The following TAFA2 variants were observed in gnomAD, a reference collection of about 807,000 sequenced individuals.
The protein encoded by TAFA2 is chemokine-like protein TAFA-2.
Under a neutral mutation model 18.8 loss-of-function variants are expected in TAFA2, and 7 were observed. The observed-to-expected ratio is 0.37, with a 90% CI of 0.21 to 0.70. The LOEUF (loss-of-function observed/expected upper bound fraction) is 0.70, where lower values mean the gene tolerates loss of function less well. TAFA2 is among the 30% of genes least tolerant of loss of function. TAFA2 has a pLI of 0.53. For synonymous variants in TAFA2, 60 were observed against 54.2 expected (o/e 1.11, Z -0.47); for missense variants, 122 against 158.1 (o/e 0.77, Z 1.23).
chr12:62,191,168 G>T (rs2062621277), intron 1 of TAFA2, 91 bp downstream of exon 1: 1 of 152,026 alleles, frequency 6.6e-6, no homozygotes, highest in African/African-American at 2.4e-5. Flanking sequence ...AGGGAGACGT[G>T]TGCACACGGG....
At chr12:62,222,205 A>G (rs2062766039) in intron 1 of TAFA2, among the ~76,000 whole-genome samples, 1 of 152,038 alleles carries the variant, frequency 6.6e-6, no homozygotes, top group South Asian at 2.1e-4. Context: ...ACACACACAC[A>G]CACACATCTG....
chr12:62,171,805 A>C (rs895814963), intron 1 of TAFA2, among the ~76,000 whole-genome samples: 1 of 152,226 alleles, frequency 6.6e-6, no homozygotes, highest in Admixed American at 6.5e-5. Flanking sequence ...ATCATCTAGA[A>C]AAAGTATACC....
At chr12:61,928,787 T>G (rs931748244) in intron 1 of TAFA2, among the ~76,000 whole-genome samples, 1 of 152,046 alleles carries the variant, frequency 6.6e-6, no homozygotes, top group African/African-American at 2.4e-5. Flanking sequence ...AATGATAGAC[T>G]GGATAATGAA....
intron 2 of TAFA2, chr12:61,775,997 T>C: frequency 3.2e-6 from 1 of 314,786 alleles, no homozygotes; most frequent in Non-Finnish European, 6.2e-6. Flanking sequence ...ATGGAGTTGT[T>C]CCTTTGACCA....
At chr12:61,972,938 T>C (rs1407780904) in intron 1 of TAFA2, among the ~76,000 whole-genome samples, 2 of 151,826 alleles carry the variant, frequency 1.3e-5, no homozygotes, top group African/African-American at 2.4e-5. Context: ...GAGTAACTGA[T>C]ACTTTAGAAA....
intron 1 of TAFA2, among the ~76,000 whole-genome samples, chr12:61,986,207 C>A (rs547572616): frequency 6.8e-6 from 1 of 146,288 alleles, no homozygotes; most frequent in South Asian, 2.2e-4. Flanking sequence ...CTCACTCGCC[C>A]AGGCTGGAGT....
At position 61,768,839 on chromosome 12, in the gene TAFA2, G is replaced by A. The variant is rs116764819; in HGVS notation, c.107-13815C>T. Among the ~76,000 whole-genome samples, 220 of 152,152 alleles carry A rather than the reference G, an allele frequency of 1.4e-3. 2 individuals are homozygous for A. The highest frequency in any genetic ancestry group is 5.0e-3 in the African/African-American group (208 of 41,538). On this transcript the variant is annotated intron_variant, in intron 2 of 4. Transcript: ENST00000416284. Reference sequence around the variant, plus strand: ...AGTTTCCTAGACAGAATCTGGGGGAGGGGACAAATGGGGAGTGCACATAGA... The same window carrying A: ...AGTTTCCTAGACAGAATCTGGGGGAAGGGACAAATGGGGAGTGCACATAGA...
intron 1 of TAFA2, among the ~76,000 whole-genome samples, chr12:62,018,344 T>A (rs1013382003): frequency 2.4e-4 from 37 of 152,214 alleles, no homozygotes; most frequent in Admixed American, 2.4e-3. Flanking sequence ...CAGGAAAGAA[T>A]AGCAATCCAT....
At chr12:61,900,438 C>T (rs915445599) in intron 1 of TAFA2, among the ~76,000 whole-genome samples, 4 of 152,262 alleles carry the variant, frequency 2.6e-5, no homozygotes, top group South Asian at 2.1e-4. Flanking sequence ...CTAATAAAGG[C>T]ATACCCAAGA....
chr12:62,162,279 AT>A (rs1210140452), intron 1 of TAFA2, among the ~76,000 whole-genome samples: 1 of 152,090 alleles, frequency 6.6e-6, no homozygotes, highest in Admixed American at 6.6e-5. Flanking sequence ...TGAGAAATTT[AT>A]TTTTCCTTTA....
intron 1 of TAFA2, among the ~76,000 whole-genome samples, chr12:62,120,112 T>TGGG (rs1310248403): frequency 6.6e-6 from 1 of 151,964 alleles, no homozygotes; most frequent in Non-Finnish European, 1.5e-5. Context: ...TCCAAACCAT[T>TGGG]TAACAAACAT....
chr12:62,151,384 A>G (rs2062327399), intron 1 of TAFA2, among the ~76,000 whole-genome samples: 1 of 152,230 alleles, frequency 6.6e-6, no homozygotes, highest in Non-Finnish European at 1.5e-5. Flanking sequence ...CCACAGAGGA[A>G]GCTAGTGTTC....
Position 61,841,956 on chromosome 12 carries a change from C to T in TAFA2, c.106+25364G>A, listed in dbSNP as rs1463330944. On this transcript the variant is annotated intron_variant, in intron 2 of 4. Transcript: ENST00000416284. ...AAAGAAGATGGAGAAAGATGGAAGACCAAATAGAGCCCAGACAAACCGTCA... is the reference window on the plus strand; with the variant it reads ...AAAGAAGATGGAGAAAGATGGAAGATCAAATAGAGCCCAGACAAACCGTCA... Among the ~76,000 whole-genome samples, 5 of 152,076 alleles carry T rather than the reference C, an allele frequency of 3.3e-5. No individual in the cohort carries two copies. In the South Asian group the frequency reaches 8.3e-4, roughly 25 times the overall value.
chr12:62,051,825 C>T (rs945379978), intron 1 of TAFA2, among the ~76,000 whole-genome samples: 3 of 151,876 alleles, frequency 2.0e-5, no homozygotes, highest in Non-Finnish European at 4.4e-5. Flanking sequence ...AAGAAACTTG[C>T]AAATAAGTTT....
chr12:61,717,296 T>A (rs1037336501), intron 4 of TAFA2, among the ~76,000 whole-genome samples: 1 of 152,188 alleles, frequency 6.6e-6, no homozygotes, highest in Non-Finnish European at 1.5e-5. Context: ...TATTCACGCA[T>A]GAGCAAGCTG....
intron 1 of TAFA2, among the ~76,000 whole-genome samples, chr12:61,882,231 C>T (rs1414199961): frequency 6.6e-6 from 1 of 152,070 alleles, no homozygotes; most frequent in African/African-American, 2.4e-5. Flanking sequence ...AGCAGTGGCA[C>T]ATAAAGATTA....
At chr12:61,865,957 A>C (rs1874336531) in intron 2 of TAFA2, among the ~76,000 whole-genome samples, 1 of 152,216 alleles carries the variant, frequency 6.6e-6, no homozygotes, top group East Asian at 1.9e-4. Context: ...GCTCTTTAAA[A>C]GATGAGTATT....
intron 1 of TAFA2, among the ~76,000 whole-genome samples, chr12:61,951,451 C>A (rs921724259): frequency 6.6e-6 from 1 of 152,058 alleles, no homozygotes; most frequent in Admixed American, 6.6e-5. Context: ...AATGTACATG[C>A]CTGCAATAAA....
intron 1 of TAFA2, among the ~76,000 whole-genome samples, chr12:62,056,087 A>G (rs1882180760): frequency 1.3e-5 from 2 of 152,210 alleles, no homozygotes; most frequent in South Asian, 4.1e-4. Context: ...TTTCTGCATT[A>G]AAGGCCGAAT....
Sources: allele counts gnomAD v4.1 joint callset (sites outside exome capture counted in the v4.1 genomes callset), GRCh38; gene constraint gnomAD v4.1.1; transcripts MANE v1.5; gene names NCBI Gene and HGNC (gene_info 2026-07-23, HGNC 2026-07-21).